HHIPL1: variants seen among roughly 807,000 people sequenced by gnomAD.
HHIPL1 encodes HHIP-like protein 1.
In HHIPL1, 43 loss-of-function variants were observed where a neutral mutation model predicts 61.8. That is an observed-to-expected ratio of 0.70 (90% CI 0.55 to 0.90). The LOEUF is 0.90. Ranked by LOEUF, HHIPL1 falls within the 40% of genes least tolerant of loss-of-function variation. HHIPL1 has a pLI of 0.00. For missense variants in HHIPL1, 1,056 were observed against 1,157.7 expected (o/e 0.91, Z 1.28); for synonymous variants, 482 against 515.8 (o/e 0.93, Z 0.89).
rs868110132 is a variant in HHIPL1, at chr14:99,645,231, G to T, written c.24G>T (p.Ala8=). The change falls in exon 1 of 9, where the codon GCG becomes GCT. Residue 8 remains alanine (A), a synonymous_variant. Coordinates refer to ENST00000330710, the MANE Select transcript of HHIPL1 (RefSeq NM_001127258.3). ...CGATGGCCCGGGCCAGGGCCGGGGC[G>T]CTGCTGGCGCTTTGGGTGCTCGGGG... The part of the protein sequence containing the change: MARARAG[A]LLALWVLGAA... 1 of 1,328,884 alleles carries T rather than the reference G, an allele frequency of 7.5e-7. No individual in the cohort carries two copies. The allele number at this position is 1,328,884 out of a possible 1,614,324, so 82.3% of individuals were successfully genotyped here.
chr14:99,645,377 C>T lies in HHIPL1; in HGVS notation c.170C>T (p.Thr57Ile). ...CCDEGRDAELTRRFWALASRV... is the reference protein window; with the variant it reads ...CCDEGRDAELIRRFWALASRV... Reference sequence around the variant, plus strand: ...GATGAGGGGCGCGACGCCGAGCTGACCCGCCGCTTCTGGGCCCTGGCGAGC... The same window carrying T: ...GATGAGGGGCGCGACGCCGAGCTGATCCGCCGCTTCTGGGCCCTGGCGAGC... The change falls in exon 1 of 9, where the codon ACC becomes ATC. Residue 57 changes from threonine to isoleucine, a missense_variant. Coordinates refer to ENST00000330710, the MANE Select transcript of HHIPL1 (RefSeq NM_001127258.3). 1 of 1,445,408 alleles carries T rather than the reference C, an allele frequency of 6.9e-7. No homozygotes were observed. Among genetic ancestry groups the T allele is most frequent in the Non-Finnish European group, 9.1e-7 (1 of 1,102,978 alleles). The allele number at this position is 1,445,408 out of a possible 1,614,324, so 89.5% of individuals were successfully genotyped here. A position where few individuals can be genotyped will look rare whatever the true frequency, so the allele number is the denominator to read the frequency against.
At chr14:99,608,147 C>T in the HHIPL1 span, among the ~76,000 whole-genome samples, 2 of 152,002 alleles carry the variant, frequency 1.3e-5, no homozygotes, top group African/African-American at 2.4e-5. Context: ...GACACTATTA[C>T]ACCTTGCAGC....
At chr14:99,619,791 G>A in the HHIPL1 span, among the ~76,000 whole-genome samples, 6 of 148,270 alleles carry the variant, frequency 4.0e-5, no homozygotes, top group Admixed American at 6.8e-5. Context: ...GGCTGTTCCC[G>A]CTGCTGAGCG....
chr14:99,622,213 C>T, the HHIPL1 span, among the ~76,000 whole-genome samples: 2 of 152,194 alleles, frequency 1.3e-5, no homozygotes, highest in African/African-American at 4.8e-5. Context: ...TGGGACATTG[C>T]CTTTGGCACA....
chr14:99,621,571 C>T, the HHIPL1 span, among the ~76,000 whole-genome samples: 2 of 152,100 alleles, frequency 1.3e-5, no homozygotes, highest in South Asian at 4.1e-4. Context: ...CTGACTCCTC[C>T]CAAGGATTCT....
chr14:99,634,578 C>G, the HHIPL1 span, among the ~76,000 whole-genome samples: 1 of 152,176 alleles, frequency 6.6e-6, no homozygotes, highest in African/African-American at 2.4e-5. Flanking sequence ...ACTGAGAAAC[C>G]ATATTTTACA....
At chr14:99,648,320 T>C (rs2055873924) in intron 1 of HHIPL1, among the ~76,000 whole-genome samples, 2 of 152,150 alleles carry the variant, frequency 1.3e-5, no homozygotes, top group South Asian at 4.1e-4. Context: ...CTCTATGAGG[T>C]TGGAATTCCT....
upstream of HHIPL1, among the ~76,000 whole-genome samples, chr14:99,642,757 A>C (rs961815842): frequency 5.9e-5 from 9 of 151,688 alleles, no homozygotes; most frequent in Admixed American, 1.3e-4. Context: ...ATCTCCTGAC[A>C]TCGTGATCCG....
chr14:99,661,555 C>T (rs1191397872), intron 5 of HHIPL1, among the ~76,000 whole-genome samples: 13 of 151,984 alleles, frequency 8.6e-5, no homozygotes, highest in Admixed American at 8.5e-4. Context: ...GCAGCCTCCA[C>T]CTCCCAGGCT....
the HHIPL1 span, among the ~76,000 whole-genome samples, chr14:99,620,169 G>A: frequency 1.3e-3 from 199 of 152,318 alleles, 2 homozygotes; most frequent in Non-Finnish European, 2.2e-4. Context: ...TCAGCCAGCC[G>A]GTGATGGATT....
Position 99,659,415 on chromosome 14 carries a change from A to G in HHIPL1, c.1047-13A>G. 7.0e-7 allele frequency: 1 copy of G among 1,420,734 alleles called. No individual in the cohort carries two copies. Among genetic ancestry groups the G allele is most frequent in the Non-Finnish European group, 9.2e-7 (1 of 1,090,438 alleles). 88.0% of individuals were successfully genotyped at this position (1,420,734 alleles called of 1,614,324 possible). ...GCGACCCCGAGCCGCGCCCTCTCCC[A>G]CCCCGCCCGCAGGTCGGCGCTGCTG... On this transcript the variant is annotated splice_polypyrimidine_tract_variant and intron_variant, in intron 3 of 8. Coordinates refer to ENST00000330710, the MANE Select transcript of HHIPL1 (RefSeq NM_001127258.3).
chr14:99,659,494 C>CGGG lies in HHIPL1; in HGVS notation c.1113_1114insGGG (p.Gly371dup). 1 of 1,539,558 alleles carries CGGG rather than the reference C, an allele frequency of 6.5e-7. No homozygotes were observed. The highest frequency in any genetic ancestry group is 8.7e-7 in the Non-Finnish European group (1 of 1,147,596). On this transcript the variant is annotated inframe_insertion, in exon 4 of 9. Transcript: ENST00000330710. Reference sequence around the variant, plus strand: ...GTAAGGAGCGCGGCCTGCCCTACGGCATCCCGCCCGACAACCCGTTCGTGG... The same window carrying CGGG: ...GTAAGGAGCGCGGCCTGCCCTACGGCGGGATCCCGCCCGACAACCCGTTCGTGG...
At position 99,677,747 on chromosome 14, in the gene HHIPL1, T is replaced by G. The variant is rs1375262628; in HGVS notation, c.*2121T>G. The stretch of plus-strand genomic sequence containing the variant: ...GAAGCTGTTTTGCTCAGAGCTGGAT[T>G]AGGAGGGTTGGCAAAGGGAGCTCTG... On this transcript the variant is annotated 3_prime_UTR_variant, in exon 9 of 9. Transcript: ENST00000330710. This position sits in a 1 kb window ranked among gnomAD's most constrained non-coding sequence, Gnocchi z 4.3. 6.6e-6 allele frequency: 1 copy of G among 152,212 alleles called. No individual in the cohort carries two copies. Among genetic ancestry groups the G allele is most frequent in the Non-Finnish European group, 1.5e-5 (1 of 68,066 alleles). 9.4% of individuals were successfully genotyped at this position (152,212 alleles called of 1,614,324 possible).
At chr14:99,644,698 C>T (rs1269534751), upstream of HHIPL1, among the ~76,000 whole-genome samples, 1 of 152,168 alleles carries the variant, frequency 6.6e-6, no homozygotes, top group African/African-American at 2.4e-5. Context: ...TCCCTCCCCA[C>T]CCCTACGCCA....
At chr14:99,649,832 C>A (rs768360112) in intron 1 of HHIPL1, among the ~76,000 whole-genome samples, 1 of 152,186 alleles carries the variant, frequency 6.6e-6, no homozygotes. Flanking sequence ...GTGACAATGA[C>A]CCTACCTTGC....
At position 99,660,176 on chromosome 14, in the gene HHIPL1, C is replaced by A; in HGVS notation, c.1376-104C>A. On this transcript the variant is annotated intron_variant, in intron 4 of 8. Coordinates refer to ENST00000330710, the MANE Select transcript of HHIPL1 (RefSeq NM_001127258.3). This position sits in a 1 kb window ranked among gnomAD's most constrained non-coding sequence, Gnocchi z 4.9. Reference sequence around the variant, plus strand: ...CAGCCCTGCTGTGGGCACGCCCCTCCCTCCGTGGCCGCCCCACCCCCGCGG... The same window carrying A: ...CAGCCCTGCTGTGGGCACGCCCCTCACTCCGTGGCCGCCCCACCCCCGCGG... The A allele has an allele frequency of 1.4e-6, 2 of 1,409,108 alleles. No individual in the cohort carries two copies. Among genetic ancestry groups the A allele is most frequent in the Non-Finnish European group, 9.7e-7 (1 of 1,029,484 alleles). The allele number at this position is 1,409,108 out of a possible 1,614,324, so 87.3% of individuals were successfully genotyped here.
At chr14:99,622,121 T>C in the HHIPL1 span, among the ~76,000 whole-genome samples, 7 of 152,188 alleles carry the variant, frequency 4.6e-5, no homozygotes, top group Non-Finnish European at 8.8e-5. Flanking sequence ...CAGGCTATTC[T>C]TGTTCTCCCT....
At chr14:99,632,441 C>T in the HHIPL1 span, among the ~76,000 whole-genome samples, 4 of 152,176 alleles carry the variant, frequency 2.6e-5, no homozygotes, top group Non-Finnish European at 5.9e-5. Context: ...CAGGGCAGGG[C>T]TGCTTCCTCC....
the HHIPL1 span, among the ~76,000 whole-genome samples, chr14:99,632,488 T>TCCCAC: frequency 1.3e-4 from 20 of 152,236 alleles, no homozygotes; most frequent in Non-Finnish European, 7.4e-5. Context: ...TCCCATCCCA[T>TCCCAC]CCCACATCTC....
Sources: allele counts gnomAD v4.1 joint callset (sites outside exome capture counted in the v4.1 genomes callset), GRCh38; gene constraint gnomAD v4.1.1; non-coding constraint Gnocchi (gnomAD v3.1); transcripts MANE v1.5; gene names NCBI Gene and HGNC (gene_info 2026-07-23, HGNC 2026-07-21).